The following MSI2 variants were observed in gnomAD, a reference collection of about 807,000 sequenced individuals.
MSI2 encodes musashi RNA binding protein 2, also known as RNA-binding protein Musashi homolog 2.
A neutral mutation model predicts 45.6 loss-of-function variants in MSI2; 17 were observed. The ratio of observed to expected loss-of-function variants is 0.37; its 90% CI spans 0.26 to 0.56. MSI2 has a LOEUF of 0.56. MSI2 is among the 20% of genes least tolerant of loss of function. MSI2 has a pLI of 0.77. For synonymous variants in MSI2, 156 were observed against 158.2 expected (o/e 0.99, Z 0.11); for missense variants, 293 against 444.2 (o/e 0.66, Z 3.06).
At chr17:57,300,052 C>A (rs1911304101) in intron 5 of MSI2, among the ~76,000 whole-genome samples, 2 of 152,192 alleles carry the variant, frequency 1.3e-5, no homozygotes, top group Admixed American at 1.3e-4. Context: ...CTACACAGCA[C>A]CGTGGACCCA....
At chr17:57,362,655 A>T (rs899833542) in intron 5 of MSI2, among the ~76,000 whole-genome samples, 1 of 152,200 alleles carries the variant, frequency 6.6e-6, no homozygotes, top group African/African-American at 2.4e-5. Flanking sequence ...GGGGGAAAAA[A>T]GTGCCAGATT....
the MSI2 span, among the ~76,000 whole-genome samples, chr17:57,698,442 CCT>C: frequency 6.6e-6 from 1 of 152,236 alleles, no homozygotes; most frequent in Non-Finnish European, 1.5e-5. Flanking sequence ...GCTGAGCCTC[CCT>C]GTCTTCACTT....
At chr17:57,322,728 C>T (rs1289586908) in intron 5 of MSI2, among the ~76,000 whole-genome samples, 2 of 152,212 alleles carry the variant, frequency 1.3e-5, no homozygotes, top group African/African-American at 2.4e-5. Context: ...TTTCTCTCTT[C>T]TCCTGAAAGG....
chr17:57,670,650 A>T (rs1912709742), intron 11 of MSI2, among the ~76,000 whole-genome samples: 2 of 152,142 alleles, frequency 1.3e-5, no homozygotes. Context: ...CCCCATTCCC[A>T]GGAGTCCTTT....
At chr17:57,534,042 T>A (rs1464451577) in intron 7 of MSI2, among the ~76,000 whole-genome samples, 3 of 152,246 alleles carry the variant, frequency 2.0e-5, no homozygotes, top group Non-Finnish European at 2.9e-5. Flanking sequence ...GCCAACACTT[T>A]CTGAGCACTT....
At chr17:57,621,075 G>A (rs1321869821) in intron 9 of MSI2, among the ~76,000 whole-genome samples, 2 of 152,202 alleles carry the variant, frequency 1.3e-5, no homozygotes, top group Non-Finnish European at 2.9e-5. Context: ...CCTTGACTCT[G>A]TCATCAAAGA....
At chr17:57,323,737 G>A (rs947070552) in intron 5 of MSI2, among the ~76,000 whole-genome samples, 16 of 152,256 alleles carry the variant, frequency 1.1e-4, no homozygotes, top group Admixed American at 2.0e-4. Flanking sequence ...ACTGTCTGCC[G>A]CTGTGGGTGT....
At chr17:57,514,982 C>A (rs540266235) in intron 6 of MSI2, among the ~76,000 whole-genome samples, 57 of 152,274 alleles carry the variant, frequency 3.7e-4, no homozygotes, top group African/African-American at 1.3e-3. Flanking sequence ...CCCCGACACA[C>A]CCCATCCCAG....
intron 11 of MSI2, among the ~76,000 whole-genome samples, chr17:57,664,006 TA>T (rs113003145): frequency 2.4e-4 from 35 of 147,550 alleles, no homozygotes; most frequent in African/African-American, 2.7e-4. Context: ...ATTAACAGCT[TA>T]AAAAAAAAAA....
intron 5 of MSI2, among the ~76,000 whole-genome samples, chr17:57,358,200 G>T (rs4794722): frequency 0.12 from 5,076 of 41,330 alleles, 210 homozygotes; most frequent in African/African-American, 0.4. Context: ...TGTGTGTGTG[G>T]GGGGGTGTGT....
chr17:57,495,646 C>G (rs2085965512), intron 6 of MSI2, among the ~76,000 whole-genome samples: 1 of 152,040 alleles, frequency 6.6e-6, no homozygotes, highest in Non-Finnish European at 1.5e-5. Flanking sequence ...TGTCTGCCTT[C>G]CAGCCTCTTC....
intron 6 of MSI2, among the ~76,000 whole-genome samples, chr17:57,505,207 C>T (rs994201065): frequency 6.6e-6 from 1 of 152,150 alleles, no homozygotes; most frequent in Admixed American, 6.5e-5. Context: ...TGGGGACAGG[C>T]CTGGCAACAG....
At chr17:57,360,368 C>T (rs964954801) in intron 5 of MSI2, among the ~76,000 whole-genome samples, 4 of 152,238 alleles carry the variant, frequency 2.6e-5, no homozygotes, top group African/African-American at 4.8e-5. Context: ...CTAACTTCTC[C>T]GAGCCTCTGA....
At chr17:57,612,736 C>T (rs553597426) in intron 8 of MSI2, among the ~76,000 whole-genome samples, 1 of 152,320 alleles carries the variant, frequency 6.6e-6, no homozygotes, top group East Asian at 1.9e-4. Context: ...TTTATGTTCC[C>T]TAAATGAAAA....
At chr17:57,666,316 AACAGGGGTTAC>A (rs1912359217) in intron 11 of MSI2, among the ~76,000 whole-genome samples, 1 of 152,216 alleles carries the variant, frequency 6.6e-6, no homozygotes, top group South Asian at 2.1e-4. Flanking sequence ...TCTTATCTGT[AACAGGGGTTAC>A]ACAGCTGCTC....
At chr17:57,545,837 T>G (rs900609038) in intron 7 of MSI2, among the ~76,000 whole-genome samples, 2 of 152,108 alleles carry the variant, frequency 1.3e-5, no homozygotes, top group Non-Finnish European at 2.9e-5. Context: ...TGTATAATGA[T>G]GATGATCTTT....
chr17:57,525,123 T>A (rs2086669853), intron 6 of MSI2, among the ~76,000 whole-genome samples: 1 of 152,200 alleles, frequency 6.6e-6, no homozygotes, highest in African/African-American at 2.4e-5. Context: ...GTCCCCTTTG[T>A]TGACTCTCAC....
At chr17:57,597,100 G>A in intron 8 of MSI2, 150 bp downstream of exon 8, 1 of 612,690 alleles carries the variant, frequency 1.6e-6, no homozygotes, top group Non-Finnish European at 2.9e-6. Context: ...GTGAACAGTA[G>A]CAGTTGTTTC....
Position 57,627,123 on chromosome 17 carries a change from A to C in MSI2, c.653-106A>C. The C allele has an allele frequency of 5.8e-6, 6 of 1,028,682 alleles. No homozygotes were observed. The highest frequency in any genetic ancestry group is 9.2e-6 in the Non-Finnish European group (6 of 653,652). The allele number at this position is 1,028,682 out of a possible 1,614,324, so 63.7% of individuals were successfully genotyped here. ...CTCATGAGAGACAAATTATTCTGTG[A>C]AGGAAAATAACTCAGGCTTTCCTCA... is the stretch of plus-strand genomic sequence containing the variant. On this transcript the variant is annotated intron_variant, in intron 9 of 13. Coordinates refer to ENST00000284073, the MANE Select transcript of MSI2 (RefSeq NM_138962.4). The surrounding 1 kb of genome is among the most constrained non-coding windows in gnomAD (Gnocchi z 4.6).
Sources: allele counts gnomAD v4.1 joint callset (sites outside exome capture counted in the v4.1 genomes callset), GRCh38; gene constraint gnomAD v4.1.1; non-coding constraint Gnocchi (gnomAD v3.1); transcripts MANE v1.5; gene names NCBI Gene and HGNC (gene_info 2026-07-23, HGNC 2026-07-21).